The following FHIT variants were observed in gnomAD, a reference collection of about 807,000 sequenced individuals.
FHIT encodes the protein bis(5'-adenosyl)-triphosphatase.
In FHIT, 19 loss-of-function variants were observed where a neutral mutation model predicts 17.9. The ratio of observed to expected loss-of-function variants is 1.06; its 90% CI spans 0.74 to 1.56. FHIT has a LOEUF of 1.56. Ranked by LOEUF, FHIT falls within the 40% of genes most tolerant of loss-of-function variation. The probability of loss-of-function intolerance (pLI) is 0.00; values close to 1 mark genes in which losing one functional copy is unlikely to be tolerated. For synonymous variants in FHIT, 81 were observed against 69.7 expected, an observed-to-expected ratio of 1.16 and a Z score of -0.81; for missense variants, 248 against 189.2, an observed-to-expected ratio of 1.31 and a Z score of -1.82.
chr3:60,991,360 C>T (rs1345758116), intron 3 of FHIT, among the ~76,000 whole-genome samples: 1 of 152,136 alleles, frequency 6.6e-6, no homozygotes, highest in Admixed American at 6.5e-5. Context: ...TCAGGTGGGG[C>T]CTTGCAGGCC....
intron 4 of FHIT, among the ~76,000 whole-genome samples, chr3:60,575,357 A>G (rs1392094121): frequency 6.6e-5 from 10 of 152,176 alleles, no homozygotes; most frequent in African/African-American, 2.2e-4. Flanking sequence ...GAAGACTTTT[A>G]GTATCAAACA....
chr3:60,468,985 T>C (rs1008774721), intron 5 of FHIT, among the ~76,000 whole-genome samples: 3 of 152,152 alleles, frequency 2.0e-5, no homozygotes, highest in Non-Finnish European at 4.4e-5. Context: ...ACTTTAAATA[T>C]GTAATATCAC....
At chr3:60,216,645 T>C (rs566688987) in intron 5 of FHIT, among the ~76,000 whole-genome samples, 11 of 152,312 alleles carry the variant, frequency 7.2e-5, no homozygotes, top group African/African-American at 2.4e-4. Flanking sequence ...TATCTGCTAA[T>C]CCTATAGCTC....
At chr3:60,130,618 T>G (rs1000645338) in intron 5 of FHIT, among the ~76,000 whole-genome samples, 10 of 142,644 alleles carry the variant, frequency 7.0e-5, no homozygotes, top group African/African-American at 2.6e-4. Context: ...CTATAAATAA[T>G]GAAATCATAT....
In FHIT at chr3:60,011,334, C is replaced by T. The variant is rs775405972; in HGVS notation, c.279+37G>A. On this transcript the variant is annotated intron_variant, in intron 7 of 9. Coordinates refer to ENST00000492590, the MANE Select transcript of FHIT (RefSeq NM_002012.4). ...GATTTTTTATTAGTTCTCATAATCGCCTCTTATTAATTTGTATGCACATAA... is the reference window on the plus strand; with the variant it reads ...GATTTTTTATTAGTTCTCATAATCGTCTCTTATTAATTTGTATGCACATAA... The T allele has an allele frequency of 6.2e-6, 10 of 1,601,538 alleles. No individual in the cohort carries two copies. The Admixed American group carries it at 6.7e-5, about 11-fold the overall frequency.
At chr3:60,821,273 A>G (rs782663477) in intron 4 of FHIT, among the ~76,000 whole-genome samples, 3 of 152,076 alleles carry the variant, frequency 2.0e-5, no homozygotes, top group Non-Finnish European at 4.4e-5. Flanking sequence ...TGCTATTTTT[A>G]AAAATACATA....
chr3:60,583,598 CTTCT>C lies in FHIT; in HGVS notation c.-17-46623_-17-46620del, dbSNP rs200157831. On this transcript the variant is annotated intron_variant, in intron 4 of 9. Coordinates refer to ENST00000492590, the MANE Select transcript of FHIT (RefSeq NM_002012.4). ...TTTTCATGTGTCACCAATTATTATT[CTTCT>C]TTCTATTCTTTTTCAACCATTCAAA... is the stretch of plus-strand genomic sequence containing the variant. 4.9e-3 allele frequency among the ~76,000 whole-genome samples: 749 copies of C among 152,078 alleles called. 10 individuals are homozygous for C. The highest frequency in any genetic ancestry group is 0.017 in the African/African-American group (700 of 41,520).
chr3:61,239,396 G>C (rs2040312438), intron 1 of FHIT, among the ~76,000 whole-genome samples: 1 of 152,062 alleles, frequency 6.6e-6, no homozygotes, highest in Non-Finnish European at 1.5e-5. Flanking sequence ...TTAAGGCCTT[G>C]GTATAGGCTA....
chr3:60,441,767 T>A (rs79824651), intron 5 of FHIT, among the ~76,000 whole-genome samples: 367 of 6,046 alleles, frequency 0.061, 24 homozygotes, highest in Middle Eastern at 0.19. Context: ...AATATATATA[T>A]ATTTATATGT....
At chr3:61,250,429 G>GTGGTAAACTGCAGAC (rs746976725) in intron 1 of FHIT, among the ~76,000 whole-genome samples, 90 of 152,226 alleles carry the variant, frequency 5.9e-4, no homozygotes, top group Non-Finnish European at 1.0e-3. Flanking sequence ...AATAATAATA[G>GTGGTAAACTGCAGAC]CAGTAAATCT....
chr3:60,117,802 G>C (rs12633701), intron 5 of FHIT, among the ~76,000 whole-genome samples: 11,039 of 135,402 alleles, frequency 0.082, 568 homozygotes, highest in Admixed American at 0.13. Flanking sequence ...CCAGTGAAAA[G>C]GAAAAAAAAA....
intron 7 of FHIT, among the ~76,000 whole-genome samples, chr3:59,965,985 G>A (rs139764187): frequency 2.3e-3 from 354 of 152,242 alleles, no homozygotes; most frequent in African/African-American, 8.1e-3. Context: ...TAGACTGGAT[G>A]AATAGAAATA....
chr3:60,422,766 A>G (rs1702524512), intron 5 of FHIT, among the ~76,000 whole-genome samples: 1 of 152,130 alleles, frequency 6.6e-6, no homozygotes, highest in African/African-American at 2.4e-5. Context: ...TTTTGTAATG[A>G]AAATTCTATC....
chr3:60,279,073 CA>C (rs1281991277), intron 5 of FHIT, among the ~76,000 whole-genome samples: 1 of 151,936 alleles, frequency 6.6e-6, no homozygotes, highest in African/African-American at 2.4e-5. Context: ...GGAAATCAAT[CA>C]GAGAAAAATT....
intron 8 of FHIT, among the ~76,000 whole-genome samples, chr3:59,840,092 G>A (rs1575574253): frequency 1.3e-5 from 2 of 152,150 alleles, no homozygotes; most frequent in South Asian, 2.1e-4. Context: ...GGGTAGAGCT[G>A]TCACTCTGTG....
chr3:60,955,607 T>TATATATATACACATATATATATAC, intron 3 of FHIT, among the ~76,000 whole-genome samples: 1 of 11,564 alleles, frequency 8.6e-5, no homozygotes, highest in African/African-American at 2.3e-4. Context: ...CATATATATA[T>TATATATATACACATATATATATAC]ATATATATAT....
intron 5 of FHIT, among the ~76,000 whole-genome samples, chr3:60,518,837 C>A (rs954153950): frequency 2.6e-5 from 4 of 152,008 alleles, no homozygotes; most frequent in African/African-American, 7.2e-5. Context: ...GGGGAAACTT[C>A]GTCTCTACTA....
chr3:59,902,182 C>T (rs1267074526), intron 8 of FHIT, among the ~76,000 whole-genome samples: 6 of 152,012 alleles, frequency 3.9e-5, no homozygotes, highest in Admixed American at 3.9e-4. Flanking sequence ...TACAAATAGC[C>T]AACAGGTTTA....
intron 3 of FHIT, among the ~76,000 whole-genome samples, 169 bp downstream of exon 3, chr3:61,041,874 TCTTG>T (rs1163109465): frequency 6.6e-6 from 1 of 152,188 alleles, no homozygotes; most frequent in Non-Finnish European, 1.5e-5. Context: ...TTTGTGTAGT[TCTTG>T]AAAGTATAGT....
Sources: allele counts gnomAD v4.1 joint callset (sites outside exome capture counted in the v4.1 genomes callset), GRCh38; gene constraint gnomAD v4.1.1; transcripts MANE v1.5; gene names NCBI Gene and HGNC (gene_info 2026-07-23, HGNC 2026-07-21).